The following BCAT1 variants were observed in gnomAD, a reference collection of about 807,000 sequenced individuals.
BCAT1 encodes branched chain amino acid transaminase 1, also known as branched-chain-amino-acid aminotransferase, cytosolic.
BCAT1 carries 48 observed loss-of-function variants against 52.4 expected under a neutral mutation model. The observed-to-expected ratio is 0.92, with a 90% CI of 0.73 to 1.16. The LOEUF (loss-of-function observed/expected upper bound fraction) is 1.16, where lower values mean the gene tolerates loss of function less well. Among genes scored for constraint, BCAT1 ranks in the 50% most tolerant of loss-of-function variants. The pLI is 0.00. For synonymous variants in BCAT1, 167 were observed against 161.3 expected (o/e 1.04, Z -0.27); for missense variants, 451 against 457.1 (o/e 0.99, Z 0.12).
chr12:24,892,886 T>C (rs1259440854), intron 3 of BCAT1, among the ~76,000 whole-genome samples: 2 of 152,204 alleles, frequency 1.3e-5, no homozygotes, highest in Non-Finnish European at 2.9e-5. Context: ...TCATTTCACC[T>C]GTTCTTTATT....
At chr12:24,930,411 C>T (rs1156736484) in intron 1 of BCAT1, among the ~76,000 whole-genome samples, 1 of 152,224 alleles carries the variant, frequency 6.6e-6, no homozygotes, top group Non-Finnish European at 1.5e-5. Context: ...CTCTACTAAA[C>T]TCTGGAACTG....
intron 1 of BCAT1, among the ~76,000 whole-genome samples, chr12:24,928,336 G>C (rs1943625052): frequency 6.6e-6 from 1 of 152,110 alleles, no homozygotes; most frequent in Non-Finnish European, 1.5e-5. Flanking sequence ...ACTCACACCA[G>C]TTGGCACAAA....
At chr12:24,855,176 C>G (rs1478833548) in intron 5 of BCAT1, among the ~76,000 whole-genome samples, 1 of 152,040 alleles carries the variant, frequency 6.6e-6, no homozygotes, top group East Asian at 1.9e-4. Flanking sequence ...AACATCTTAA[C>G]AGATGTTCCA....
intron 1 of BCAT1, among the ~76,000 whole-genome samples, chr12:24,912,837 G>A (rs1432291309): frequency 2.6e-5 from 4 of 152,168 alleles, no homozygotes; most frequent in Non-Finnish European, 5.9e-5. Context: ...TGGCAGCAAA[G>A]GGAATACTTC....
intron 1 of BCAT1, among the ~76,000 whole-genome samples, chr12:24,932,812 GT>G (rs1231598363): frequency 6.8e-6 from 1 of 147,530 alleles, no homozygotes; most frequent in Non-Finnish European, 1.5e-5. Flanking sequence ...AATTTTTTTG[GT>G]TTTTTTGTTT....
intron 10 of BCAT1, among the ~76,000 whole-genome samples, chr12:24,824,182 C>T (rs1051246200): frequency 2.0e-5 from 3 of 152,072 alleles, no homozygotes; most frequent in East Asian, 1.9e-4. Flanking sequence ...CTAGTGACTA[C>T]GTTTTCCTTT....
At chr12:24,902,330 G>T (rs921666820) in intron 1 of BCAT1, 2 of 1,237,440 alleles carry the variant, frequency 1.6e-6, no homozygotes, top group Non-Finnish European at 2.0e-6. Flanking sequence ...AAAGGGAACG[G>T]GGACGGGCGT....
intron 3 of BCAT1, among the ~76,000 whole-genome samples, chr12:24,884,406 T>C (rs1942596894): frequency 6.6e-6 from 1 of 152,174 alleles, no homozygotes; most frequent in South Asian, 2.1e-4. Flanking sequence ...GGAATAAGTT[T>C]TTGAGACCTA....
chr12:24,888,423 C>T (rs955510154), intron 3 of BCAT1, among the ~76,000 whole-genome samples: 8 of 152,068 alleles, frequency 5.3e-5, no homozygotes, highest in Non-Finnish European at 1.0e-4. Flanking sequence ...CTGTTGAAGC[C>T]AGGAGGTGGA....
chr12:24,846,538 G>T (rs1341617674), intron 6 of BCAT1, among the ~76,000 whole-genome samples: 1 of 152,064 alleles, frequency 6.6e-6, no homozygotes, highest in Non-Finnish European at 1.5e-5. Context: ...CCCTCCAAAA[G>T]AATAAATTCT....
At position 24,932,795 on chromosome 12, in the gene BCAT1, C is replaced by G. The variant is rs1943694522; in HGVS notation, c.6+16132G>C. ...GGGATTACAGGTGTGTGCCACCATG[C>G]CTGGTTAATTTTTTTGGTTTTTTTG... On this transcript the variant is annotated intron_variant, in intron 1 of 10. Coordinates refer to ENST00000261192, the MANE Select transcript of BCAT1 (RefSeq NM_005504.7). Among the ~76,000 whole-genome samples, 3 of 151,666 alleles carry G rather than the reference C, an allele frequency of 2.0e-5. No individual in the cohort carries two copies. In the East Asian group the frequency reaches 5.8e-4, roughly 29 times the overall value.
At position 24,905,799 on chromosome 12, in the gene BCAT1, G is replaced by C. The variant is rs141688218; in HGVS notation, c.7-3914C>G. 3.7e-3 allele frequency among the ~76,000 whole-genome samples: 557 copies of C among 151,860 alleles called. 12 individuals carry two copies. Among genetic ancestry groups the C allele is most frequent in the East Asian group, 0.022 (113 of 5,182 alleles). ...AGGATTAGGTGGAGTATGCAGGAGC[G>C]GTGACAGAATTGAAGGTATTGGCTG... On this transcript the variant is annotated intron_variant, in intron 1 of 10. Coordinates refer to ENST00000261192, the MANE Select transcript of BCAT1 (RefSeq NM_005504.7).
At chr12:24,832,884 A>C (rs1176897838) in intron 8 of BCAT1, 21 bp from the exon 9 acceptor site, 1 of 1,591,094 alleles carries the variant, frequency 6.3e-7, no homozygotes, top group Non-Finnish European at 8.6e-7. Context: ...TATAAAAAAT[A>C]ACAAGTATAT....
chr12:24,939,907 ACT>A (rs1175904472), intron 1 of BCAT1, among the ~76,000 whole-genome samples: 6 of 152,144 alleles, frequency 3.9e-5, no homozygotes, highest in African/African-American at 1.4e-4. Flanking sequence ...CTTGATAATG[ACT>A]CTGGTGTCAA....
intron 5 of BCAT1, among the ~76,000 whole-genome samples, chr12:24,860,084 C>T (rs4406910): frequency 0.04 from 6,105 of 152,258 alleles, 397 homozygotes; most frequent in African/African-American, 0.14. Context: ...TCTTTAACCA[C>T]GGCTTTCCTA....
At chr12:24,837,994 A>C (rs2139418781) in intron 7 of BCAT1, among the ~76,000 whole-genome samples, 1 of 152,278 alleles carries the variant, frequency 6.6e-6, no homozygotes, top group East Asian at 1.9e-4. Flanking sequence ...TCAGCTGCAC[A>C]AGCTCTCCTT....
intron 9 of BCAT1, among the ~76,000 whole-genome samples, chr12:24,832,001 T>C (rs1940687049): frequency 6.6e-6 from 1 of 152,168 alleles, no homozygotes; most frequent in Non-Finnish European, 1.5e-5. Context: ...AATGAATAAT[T>C]CTTGTAAAGT....
At chr12:24,902,866 A>C (rs1225162393) in intron 1 of BCAT1, 3 of 1,498,322 alleles carry the variant, frequency 2.0e-6, no homozygotes, top group Non-Finnish European at 2.7e-6. Flanking sequence ...AACGGCGACA[A>C]GGCGCCCGGC....
In BCAT1 at chr12:24,812,973, T is replaced by C. The variant is rs1939739219; in HGVS notation, c.*5035A>G. ...CTATTGTAGAATGAAAAATACACTT[T>C]CAGACAGAATAAGATGACTTAAAAC... is the stretch of plus-strand genomic sequence containing the variant. On this transcript the variant is annotated 3_prime_UTR_variant, in exon 11 of 11. Coordinates refer to ENST00000261192, the MANE Select transcript of BCAT1 (RefSeq NM_005504.7). 6.6e-6 allele frequency: 1 copy of C among 152,024 alleles called. No homozygotes were observed. Among genetic ancestry groups the C allele is most frequent in the Non-Finnish European group, 1.5e-5 (1 of 67,900 alleles). The allele number at this position is 152,024 out of a possible 1,614,324, so 9.4% of individuals were successfully genotyped here.
Sources: allele counts gnomAD v4.1 joint callset (sites outside exome capture counted in the v4.1 genomes callset), GRCh38; gene constraint gnomAD v4.1.1; transcripts MANE v1.5; gene names NCBI Gene and HGNC (gene_info 2026-07-23, HGNC 2026-07-21).